The following ABHD12 variants were observed in gnomAD, a reference collection of about 807,000 sequenced individuals.
ABHD12 encodes the protein abhydrolase domain containing 12, lysophospholipase.
Under a neutral mutation model 58.3 loss-of-function variants are expected in ABHD12, and 43 were observed. That is an observed-to-expected ratio of 0.74 (90% confidence interval 0.58 to 0.95). ABHD12 has a LOEUF of 0.95. ABHD12 is among the 40% of genes least tolerant of loss of function. The probability of loss-of-function intolerance (pLI) is 0.00; values close to 1 mark genes in which losing one functional copy is unlikely to be tolerated. For synonymous variants in ABHD12, 219 were observed against 211.2 expected, an observed-to-expected ratio of 1.04 and a Z score of -0.32; for missense variants, 539 against 537.2, an observed-to-expected ratio of 1.00 and a Z score of -0.03.
At chr20:25,299,145 A>G (rs2088595450), downstream of ABHD12, among the ~76,000 whole-genome samples, 1 of 152,228 alleles carries the variant, frequency 6.6e-6, no homozygotes, top group Non-Finnish European at 1.5e-5. Context: ...GCTCATGCCT[A>G]TAATCCCAGC....
chr20:25,298,916 G>A (rs1273241914), downstream of ABHD12, among the ~76,000 whole-genome samples: 1 of 152,186 alleles, frequency 6.6e-6, no homozygotes, highest in Non-Finnish European at 1.5e-5. Context: ...GCGGCACCAA[G>A]GTGGTGCCCT....
At chr20:25,359,850 C>T (rs2089721038) in intron 1 of ABHD12, among the ~76,000 whole-genome samples, 1 of 152,108 alleles carries the variant, frequency 6.6e-6, no homozygotes, top group South Asian at 2.1e-4. Flanking sequence ...GGATTATAGG[C>T]GTGAGCCACT....
At chr20:25,374,466 A>G (rs1164867909) in intron 1 of ABHD12, among the ~76,000 whole-genome samples, 1 of 152,132 alleles carries the variant, frequency 6.6e-6, no homozygotes, top group African/African-American at 2.4e-5. Flanking sequence ...CTTAACTTCT[A>G]GAACATATGG....
intron 2 of ABHD12, among the ~76,000 whole-genome samples, chr20:25,335,518 T>C (rs1428014989): frequency 3.0e-5 from 4 of 133,648 alleles, no homozygotes; most frequent in Non-Finnish European, 6.3e-5. Flanking sequence ...GTATGTTTAT[T>C]GCGGCATTAT....
intron 1 of ABHD12, among the ~76,000 whole-genome samples, chr20:25,388,158 C>T (rs1444606515): frequency 2.0e-5 from 3 of 146,844 alleles, no homozygotes; most frequent in Admixed American, 2.0e-4. Context: ...ATGAAGAAGG[C>T]TCATTAGATT....
chr20:25,329,573 G>A (rs182063380), intron 2 of ABHD12, among the ~76,000 whole-genome samples: 9 of 152,342 alleles, frequency 5.9e-5, no homozygotes, highest in Admixed American at 5.9e-4. Flanking sequence ...TGAGTGAATG[G>A]AAAACGACCT....
downstream of ABHD12, among the ~76,000 whole-genome samples, chr20:25,300,039 A>C (rs2088607589): frequency 6.6e-6 from 1 of 152,164 alleles, no homozygotes; most frequent in Non-Finnish European, 1.5e-5. Context: ...AGGGGCGAGC[A>C]GGTGAACAAA....
At chr20:25,373,073 T>C (rs980761685) in intron 1 of ABHD12, among the ~76,000 whole-genome samples, 1 of 152,226 alleles carries the variant, frequency 6.6e-6, no homozygotes, top group Non-Finnish European at 1.5e-5. Context: ...CTAGGAGCAA[T>C]AGGCCTTACC....
intron 3 of ABHD12, among the ~76,000 whole-genome samples, chr20:25,322,537 G>A (rs2089098235): frequency 6.7e-6 from 1 of 150,074 alleles, no homozygotes; most frequent in Admixed American, 6.7e-5. Flanking sequence ...GTGCCACCAT[G>A]CCCAGCTAAT....
At chr20:25,337,593 C>A (rs1449195211) in intron 2 of ABHD12, among the ~76,000 whole-genome samples, 1 of 152,250 alleles carries the variant, frequency 6.6e-6, no homozygotes, top group African/African-American at 2.4e-5. Context: ...CCAGGCCACG[C>A]AGGGCAATGC....
intron 12 of ABHD12, among the ~76,000 whole-genome samples, chr20:25,301,259 G>A (rs1447387647): frequency 6.6e-6 from 1 of 152,206 alleles, no homozygotes; most frequent in East Asian, 1.9e-4. Flanking sequence ...CTGTGCTAAA[G>A]GGACACAGTT....
At chr20:25,309,858 C>CT (rs1442076906) in intron 6 of ABHD12, among the ~76,000 whole-genome samples, 1 of 152,226 alleles carries the variant, frequency 6.6e-6, no homozygotes, top group Non-Finnish European at 1.5e-5. Context: ...CAGGGTCACT[C>CT]TAAGTTGGTG....
At position 25,312,604 on chromosome 20, in the gene ABHD12, G is replaced by A. The variant is rs1037882381; in HGVS notation, c.619+2321C>T. ...GCAGCCTCTGCCCGGCCGCCACCCC[G>A]TCTGGGAAGTGAGGAGCGTCTCCGC... On this transcript the variant is annotated intron_variant, in intron 6 of 12. Transcript: ENST00000339157. Among the ~76,000 whole-genome samples, 56 of 152,064 alleles carry A rather than the reference G, an allele frequency of 3.7e-4. No homozygotes were observed. The South Asian group carries it at 4.8e-3, about 13-fold the overall frequency.
At chr20:25,298,497 C>T (rs1439611359), downstream of ABHD12, among the ~76,000 whole-genome samples, 3 of 152,116 alleles carry the variant, frequency 2.0e-5, no homozygotes, top group East Asian at 5.8e-4. Context: ...TCAGGTGATC[C>T]GCCCGCCTCA....
At chr20:25,361,459 G>A (rs1356958302) in intron 1 of ABHD12, among the ~76,000 whole-genome samples, 1 of 152,004 alleles carries the variant, frequency 6.6e-6, no homozygotes, top group Non-Finnish European at 1.5e-5. Flanking sequence ...GCAGTGGTGC[G>A]ATCTCAGCTC....
chr20:25,370,786 G>A (rs1383353386), intron 1 of ABHD12, among the ~76,000 whole-genome samples: 2 of 151,918 alleles, frequency 1.3e-5, no homozygotes, highest in Non-Finnish European at 1.5e-5. Context: ...TTAAGGAAAC[G>A]GTATCTGGTA....
chr20:25,338,319 G>T (rs574521014), intron 2 of ABHD12, among the ~76,000 whole-genome samples: 2 of 152,260 alleles, frequency 1.3e-5, no homozygotes, highest in East Asian at 3.9e-4. Flanking sequence ...GACTCACTAT[G>T]TGCAAACCAA....
At chr20:25,307,023 A>C in intron 9 of ABHD12, 108 bp from the exon 10 acceptor site, 1 of 802,778 alleles carries the variant, frequency 1.2e-6, no homozygotes. Flanking sequence ...GTTGCCCATA[A>C]CTACCCTACC....
At chr20:25,328,753 T>C (rs1296442338) in intron 2 of ABHD12, among the ~76,000 whole-genome samples, 1 of 152,172 alleles carries the variant, frequency 6.6e-6, no homozygotes, top group East Asian at 1.9e-4. Context: ...CTTTTACTCA[T>C]TTTAGAAACA....
Sources: gnomAD v4.1 joint callset for allele counts (sites outside exome capture counted in the v4.1 genomes callset) on GRCh38, gnomAD v4.1.1 for gene constraint, MANE v1.5 for transcripts, NCBI Gene and HGNC (gene_info 2026-07-23, HGNC 2026-07-21) for gene names.